The following CPED1 variants were observed in gnomAD, a reference collection of about 807,000 sequenced individuals.
CPED1 encodes the protein cadherin-like and PC-esterase domain-containing protein 1.
Under a neutral mutation model 128.2 loss-of-function variants are expected in CPED1, and 114 were observed. The observed-to-expected ratio is 0.89, with a 90% CI of 0.76 to 1.04. The LOEUF is 1.04. Ranked by LOEUF, CPED1 falls within the 50% of genes least tolerant of loss-of-function variation. CPED1 has a pLI of 0.00. For synonymous variants in CPED1, 462 were observed against 426.7 expected (o/e 1.08, Z -1.02); for missense variants, 1,211 against 1,207.1 (o/e 1.00, Z -0.05).
chr7:121,190,391 C>CAAAAA (rs368606501), intron 16 of CPED1, among the ~76,000 whole-genome samples: 24 of 97,056 alleles, frequency 2.5e-4, no homozygotes, highest in Non-Finnish European at 2.8e-4. Flanking sequence ...GACTCTGTAT[C>CAAAAA]AAAAAAAAAA....
intron 3 of CPED1, among the ~76,000 whole-genome samples, chr7:121,037,704 T>G (rs376687882): frequency 6.6e-6 from 1 of 152,258 alleles, no homozygotes; most frequent in African/African-American, 2.4e-5. Flanking sequence ...GGAATTGCAT[T>G]GAGTTTGTAG....
chr7:121,283,629 T>C (rs1414245450), intron 22 of CPED1, among the ~76,000 whole-genome samples: 1 of 152,186 alleles, frequency 6.6e-6, no homozygotes, highest in East Asian at 1.9e-4. Flanking sequence ...TGTAACTCTG[T>C]GTAAGTATGA....
At chr7:121,115,714 A>G (rs1194682399) in intron 7 of CPED1, among the ~76,000 whole-genome samples, 2 of 152,228 alleles carry the variant, frequency 1.3e-5, no homozygotes, top group Non-Finnish European at 2.9e-5. Flanking sequence ...CTTCTAGTCA[A>G]GGTAATTAAT....
At chr7:121,179,810 A>G (rs1796861292) in intron 16 of CPED1, among the ~76,000 whole-genome samples, 1 of 152,078 alleles carries the variant, frequency 6.6e-6, no homozygotes, top group Non-Finnish European at 1.5e-5. Context: ...TTAGTATAAG[A>G]CAAAGACAAA....
chr7:121,062,775 T>C (rs1793708249), intron 4 of CPED1: 1 of 152,170 alleles, frequency 6.6e-6, no homozygotes, highest in African/African-American at 2.4e-5. Flanking sequence ...AATTGAATCA[T>C]GGGTGCGGTT....
Position 121,133,886 on chromosome 7 carries a change from T to TA in CPED1, c.1647dup (p.Ala550SerfsTer7), listed in dbSNP as rs767767216. 3.9e-6 allele frequency: 6 copies of TA among 1,541,082 alleles called. No homozygotes were observed. The highest frequency in any genetic ancestry group is 1.2e-5 in the South Asian group (1 of 85,844). ...AAGTGCCATTTGATGCAATAGAAAA[T>TA]AAAAAAGGTAAAAATATAGATATTC... On this transcript the variant is annotated frameshift_variant, in exon 13 of 23. Coordinates refer to ENST00000310396, the MANE Select transcript of CPED1 (RefSeq NM_024913.5). LOFTEE classifies it high-confidence loss of function.
intron 16 of CPED1, among the ~76,000 whole-genome samples, chr7:121,152,256 C>T (rs184342220): frequency 5.7e-4 from 87 of 152,210 alleles, no homozygotes; most frequent in Admixed American, 1.6e-3. Flanking sequence ...CTCCCCACCC[C>T]TCCACATGCT....
At chr7:121,095,060 T>C (rs947014143) in intron 5 of CPED1, among the ~76,000 whole-genome samples, 1 of 152,188 alleles carries the variant, frequency 6.6e-6, no homozygotes, top group Admixed American at 6.6e-5. Flanking sequence ...TAAGTTACTT[T>C]AACATTTTTA....
chr7:121,251,513 A>G (rs952117360), intron 18 of CPED1, among the ~76,000 whole-genome samples: 1 of 152,198 alleles, frequency 6.6e-6, no homozygotes, highest in Admixed American at 6.5e-5. Context: ...TTAGGAAAAG[A>G]GGAAGTCAAA....
At chr7:121,231,594 C>A (rs1798141243) in intron 16 of CPED1, among the ~76,000 whole-genome samples, 1 of 152,020 alleles carries the variant, frequency 6.6e-6, no homozygotes, top group Non-Finnish European at 1.5e-5. Context: ...GCCGGCGTCA[C>A]TGACAGGTAT....
chr7:121,153,795 T>C (rs1185559650), intron 16 of CPED1, among the ~76,000 whole-genome samples: 2 of 118,858 alleles, frequency 1.7e-5, no homozygotes, highest in Non-Finnish European at 3.7e-5. Context: ...TAAGCGGATT[T>C]TAAAAAATAA....
chr7:121,038,677 A>G (rs923540625), intron 3 of CPED1, among the ~76,000 whole-genome samples: 2 of 151,824 alleles, frequency 1.3e-5, no homozygotes, highest in Non-Finnish European at 2.9e-5. Flanking sequence ...AATCCCATCT[A>G]GTATACCATA....
intron 5 of CPED1, among the ~76,000 whole-genome samples, chr7:121,068,457 C>T (rs1272758421): frequency 2.0e-5 from 3 of 151,854 alleles, no homozygotes; most frequent in Non-Finnish European, 4.4e-5. Context: ...GGGCTCTGTT[C>T]TGTTCCATTG....
rs1285049639 is a variant in CPED1, at chr7:121,141,022, T to C, written c.1886+9T>C. ...GAGCAGGCAGGGCCAAGGTATGAGA[T>C]GTTGACTGGGGCTGTGTTGAGACAC... On this transcript the variant is annotated intron_variant, in intron 15 of 22. Transcript: ENST00000310396. The C allele has an allele frequency of 6.2e-7, 1 of 1,602,352 alleles. No homozygotes were observed. The highest frequency in any genetic ancestry group is 1.8e-5 in the Admixed American group (1 of 56,964).
chr7:121,215,664 A>G (rs886302994), intron 16 of CPED1, among the ~76,000 whole-genome samples: 1 of 152,088 alleles, frequency 6.6e-6, no homozygotes, highest in African/African-American at 2.4e-5. Flanking sequence ...TATGACATAT[A>G]ATTTGAAGTA....
At chr7:121,141,470 C>A (rs946318911) in intron 15 of CPED1, among the ~76,000 whole-genome samples, 1 of 151,978 alleles carries the variant, frequency 6.6e-6, no homozygotes, top group Non-Finnish European at 1.5e-5. Context: ...GAACCTTATT[C>A]TGTGCTGTGT....
intron 22 of CPED1, among the ~76,000 whole-genome samples, chr7:121,285,977 C>T (rs1207414574): frequency 1.3e-5 from 2 of 152,168 alleles, no homozygotes; most frequent in Non-Finnish European, 2.9e-5. Flanking sequence ...TGAGGACATA[C>T]CTGAGACTGG....
chr7:121,200,887 G>C (rs1797380270), intron 16 of CPED1, among the ~76,000 whole-genome samples: 1 of 151,882 alleles, frequency 6.6e-6, no homozygotes, highest in Non-Finnish European at 1.5e-5. Flanking sequence ...AGCAGCAAAG[G>C]GTCTCTCAGA....
chr7:121,171,867 C>T (rs1371806211), intron 16 of CPED1, among the ~76,000 whole-genome samples: 2 of 152,056 alleles, frequency 1.3e-5, no homozygotes, highest in African/African-American at 4.8e-5. Context: ...AGTGAATATG[C>T]AACTATTAAA....
Sources: allele counts gnomAD v4.1 joint callset (sites outside exome capture counted in the v4.1 genomes callset), GRCh38; gene constraint gnomAD v4.1.1; transcripts MANE v1.5; gene names NCBI Gene and HGNC (gene_info 2026-07-23, HGNC 2026-07-21).